CCDC125: variants seen among roughly 807,000 people sequenced by gnomAD.
CCDC125 encodes the protein coiled-coil domain containing 125, also known as coiled-coil domain-containing protein 125.
In CCDC125, 43 loss-of-function variants were observed where a neutral mutation model predicts 57.4. The observed-to-expected ratio is 0.75, with a 90% CI of 0.59 to 0.97. The LOEUF is 0.97. CCDC125 is among the 50% of genes least tolerant of loss of function. The probability of loss-of-function intolerance (pLI) is 0.00; values close to 1 mark genes in which losing one functional copy is unlikely to be tolerated. For missense variants in CCDC125, 563 were observed against 595.7 expected (o/e 0.95, Z 0.57); for synonymous variants, 187 against 195.2 (o/e 0.96, Z 0.35).
intron 9 of CCDC125, among the ~76,000 whole-genome samples, chr5:69,293,012 T>C (rs376821173): frequency 2.6e-5 from 4 of 151,936 alleles, no homozygotes; most frequent in African/African-American, 9.7e-5. Context: ...GGCTAATTTT[T>C]TGTATTTTAG....
At chr5:69,314,407 G>A (rs904842334) in intron 2 of CCDC125, among the ~76,000 whole-genome samples, 4 of 151,918 alleles carry the variant, frequency 2.6e-5, no homozygotes, top group African/African-American at 9.7e-5. Flanking sequence ...GGAGGTTGCA[G>A]TGAGCGGAGA....
chr5:69,286,234 A>G (rs1329167740), intron 10 of CCDC125, among the ~76,000 whole-genome samples: 24 of 48,412 alleles, frequency 5.0e-4, no homozygotes, highest in African/African-American at 2.1e-3. Flanking sequence ...ATATATATAT[A>G]ATTTTTTTTT....
At chr5:69,322,010 A>ATT (rs564085259) in intron 1 of CCDC125, among the ~76,000 whole-genome samples, 102 of 146,928 alleles carry the variant, frequency 6.9e-4, no homozygotes, top group African/African-American at 2.4e-3. Flanking sequence ...CTAATTTTCT[A>ATT]TTTTTTTTTT....
intron 1 of CCDC125, among the ~76,000 whole-genome samples, chr5:69,331,263 T>C (rs576917618): frequency 6.6e-6 from 1 of 151,966 alleles, no homozygotes; most frequent in South Asian, 2.1e-4. Context: ...GACAGCACTA[T>C]TGTCTGTCAC....
intron 7 of CCDC125, among the ~76,000 whole-genome samples, chr5:69,302,536 C>T (rs1220251832): frequency 6.6e-6 from 1 of 150,836 alleles, no homozygotes. Flanking sequence ...CCATCCTGGC[C>T]AACATGGTGA....
chr5:69,311,014 C>A lies in CCDC125; in HGVS notation c.453+104G>T. ...TAAAAATATACATACCTAAAAAAAC[C>A]CTCAACTATATTAAGTCCTTCTGCC... is the stretch of plus-strand genomic sequence containing the variant. On this transcript the variant is annotated intron_variant, in intron 4 of 11. Transcript: ENST00000396496. 6.6e-6 allele frequency: 4 copies of A among 610,284 alleles called. No individual in the cohort carries two copies. The South Asian group carries it at 6.7e-5, about 10-fold the overall frequency. The allele number at this position is 610,284 out of a possible 1,614,324, so 37.8% of individuals were successfully genotyped here.
chr5:69,276,093 G>A (rs897354617), downstream of CCDC125, among the ~76,000 whole-genome samples: 37 of 151,964 alleles, frequency 2.4e-4, no homozygotes, highest in African/African-American at 8.5e-4. Flanking sequence ...GCAGTGGTGC[G>A]ATCTCGGCTC....
At chr5:69,316,674 C>A (rs1159676904) in intron 2 of CCDC125, among the ~76,000 whole-genome samples, 6 of 152,088 alleles carry the variant, frequency 3.9e-5, no homozygotes, top group African/African-American at 1.4e-4. Context: ...ACTACACCTG[C>A]TAATTTTTAA....
At chr5:69,283,316 T>C in intron 11 of CCDC125, among the ~76,000 whole-genome samples, 1 of 144,312 alleles carries the variant, frequency 6.9e-6, no homozygotes, top group African/African-American at 2.6e-5. Context: ...GCCTCCCAGG[T>C]TCACACTATT....
At chr5:69,313,119 G>A (rs967731435) in intron 3 of CCDC125, among the ~76,000 whole-genome samples, 2 of 152,154 alleles carry the variant, frequency 1.3e-5, no homozygotes, top group African/African-American at 4.8e-5. Context: ...TGCCTGGGGG[G>A]AACTTGGTCT....
chr5:69,292,585 C>T (rs1044766425), intron 9 of CCDC125, among the ~76,000 whole-genome samples: 9 of 152,282 alleles, frequency 5.9e-5, no homozygotes, highest in African/African-American at 2.2e-4. Flanking sequence ...CTGTCAACTG[C>T]CTGCTAACCT....
At chr5:69,311,029 G>A (rs1472183989) in intron 4 of CCDC125, 89 bp downstream of exon 4, 2 of 762,672 alleles carry the variant, frequency 2.6e-6, no homozygotes, top group African/African-American at 1.8e-5. Flanking sequence ...ACTATATTAA[G>A]TCCTTCTGCC....
chr5:69,304,035 C>T, intron 6 of CCDC125, 106 bp from the exon 7 acceptor site: 1 of 616,188 alleles, frequency 1.6e-6, no homozygotes. Context: ...TATAGTTTTT[C>T]CTACTTCAAA....
intron 1 of CCDC125, among the ~76,000 whole-genome samples, chr5:69,326,050 C>T (rs889155971): frequency 5.3e-5 from 8 of 151,984 alleles, no homozygotes; most frequent in Admixed American, 4.6e-4. Flanking sequence ...TCGGGCCAGC[C>T]AGTCTTGAAC....
chr5:69,285,249 G>T, intron 11 of CCDC125, 88 bp downstream of exon 11: 2 of 1,317,484 alleles, frequency 1.5e-6, no homozygotes, highest in Non-Finnish European at 2.1e-6. Context: ...CACATTCAAA[G>T]CTGTTCTGGG....
downstream of CCDC125, among the ~76,000 whole-genome samples, chr5:69,279,619 A>T (rs1261729389): frequency 6.6e-6 from 1 of 151,986 alleles, no homozygotes; most frequent in Non-Finnish European, 1.5e-5. Flanking sequence ...TGTGGCACTC[A>T]CCACAGGACA....
rs116570797 is a variant in CCDC125 at position 69,280,551 on chromosome 5, C to G, written c.*2178G>C. On this transcript the variant is annotated 3_prime_UTR_variant, in exon 12 of 12. Coordinates refer to ENST00000396496, the MANE Select transcript of CCDC125 (RefSeq NM_176816.5). ...TTACGAGCAGCCGGCCCTGAATTCT[C>G]TCTCTCAGGTGTACTGTCTGTTCTG... The G allele has an allele frequency of 6.6e-6, 1 of 152,166 alleles. No individual in the cohort carries two copies. The highest frequency in any genetic ancestry group is 1.5e-5 in the Non-Finnish European group (1 of 68,024). 9.4% of individuals were successfully genotyped at this position (152,166 alleles called of 1,614,324 possible).
downstream of CCDC125, among the ~76,000 whole-genome samples, chr5:69,277,674 G>A (rs1752271631): frequency 6.6e-6 from 1 of 151,936 alleles, no homozygotes; most frequent in Non-Finnish European, 1.5e-5. Flanking sequence ...GGAGGCTGAG[G>A]CAGGAGAATG....
At chr5:69,329,803 C>T (rs1422648165) in intron 1 of CCDC125, among the ~76,000 whole-genome samples, 3 of 151,994 alleles carry the variant, frequency 2.0e-5, no homozygotes, top group Non-Finnish European at 2.9e-5. Flanking sequence ...GAGCCCAGCT[C>T]GGATGTATTT....
Sources: allele counts gnomAD v4.1 joint callset (sites outside exome capture counted in the v4.1 genomes callset), GRCh38; gene constraint gnomAD v4.1.1; transcripts MANE v1.5; gene names NCBI Gene and HGNC (gene_info 2026-07-23, HGNC 2026-07-21).